Variants in SLC12A8 observed in about 807,000 individuals in gnomAD.
The protein encoded by SLC12A8 is solute carrier family 12 member 8.
Under a neutral mutation model 75.6 loss-of-function variants are expected in SLC12A8, and 69 were observed. The observed-to-expected ratio is 0.91, with a 90% CI of 0.75 to 1.11. The LOEUF is 1.11. SLC12A8 is among the 50% of genes most tolerant of loss of function. The pLI is 0.00. For missense variants in SLC12A8, 877 were observed against 896.7 expected, an observed-to-expected ratio of 0.98 and a Z score of 0.28; for synonymous variants, 365 against 372.8, an observed-to-expected ratio of 0.98 and a Z score of 0.24.
chr3:125,154,966 A>G (rs577645830), intron 5 of SLC12A8: 1 of 152,308 alleles, frequency 6.6e-6, no homozygotes, highest in African/African-American at 2.4e-5. Context: ...CCTGATAACC[A>G]AGCCAGGTAC....
intron 10 of SLC12A8, among the ~76,000 whole-genome samples, chr3:125,093,280 T>G (rs186791213): frequency 5.8e-4 from 89 of 152,336 alleles, no homozygotes; most frequent in Non-Finnish European, 1.2e-3. Context: ...CATAGTTTGT[T>G]GCTCAGGAAA....
At chr3:125,116,354 A>G (rs1429212755) in intron 8 of SLC12A8, among the ~76,000 whole-genome samples, 2 of 152,208 alleles carry the variant, frequency 1.3e-5, no homozygotes, top group Admixed American at 1.3e-4. Context: ...TCCGAAAACT[A>G]AATCTCCACA....
intron 2 of SLC12A8, among the ~76,000 whole-genome samples, chr3:125,192,283 G>A (rs969593101): frequency 2.6e-5 from 4 of 152,114 alleles, no homozygotes; most frequent in Non-Finnish European, 5.9e-5. Flanking sequence ...GCCCCACTGA[G>A]GGCTGAGGAG....
At chr3:125,187,109 C>T (rs1934802165) in intron 4 of SLC12A8, 128 bp downstream of exon 4, 10 of 888,566 alleles carry the variant, frequency 1.1e-5, no homozygotes, top group Non-Finnish European at 1.4e-5. Context: ...TTCAGAGCCC[C>T]AACCTGCTCG....
chr3:125,137,927 A>ACACGCT (rs916684195), intron 5 of SLC12A8, among the ~76,000 whole-genome samples: 4 of 151,724 alleles, frequency 2.6e-5, no homozygotes, highest in Non-Finnish European at 4.4e-5. Context: ...GCTCACGCTC[A>ACACGCT]CACGCTCACG....
chr3:125,185,433 A>G (rs1934757457), intron 4 of SLC12A8, among the ~76,000 whole-genome samples: 1 of 152,138 alleles, frequency 6.6e-6, no homozygotes, highest in African/African-American at 2.4e-5. Flanking sequence ...AGAAGTAGAA[A>G]ATCAGAATAT....
chr3:125,192,066 T>A (rs569448255), intron 2 of SLC12A8, among the ~76,000 whole-genome samples: 2 of 152,108 alleles, frequency 1.3e-5, no homozygotes, highest in Non-Finnish European at 2.9e-5. Context: ...CCCAGGATCC[T>A]CATCTCGAAA....
intron 2 of SLC12A8, among the ~76,000 whole-genome samples, chr3:125,198,965 A>G (rs1452106412): frequency 6.6e-6 from 1 of 151,924 alleles, no homozygotes; most frequent in Non-Finnish European, 1.5e-5. Context: ...TTTTTAGTAG[A>G]GATGGGGTTT....
rs550375229 is a variant in SLC12A8, at chr3:125,088,338, T to C, written c.1954A>G (p.Met652Val). The C allele has an allele frequency of 1.9e-6, 3 of 1,614,148 alleles. No homozygotes were observed. The South Asian group carries it at 3.3e-5, about 18-fold the overall frequency. The change falls in exon 13 of 14, where the codon ATG becomes GTG. Residue 652 changes from methionine (M) to valine (V), a missense_variant. Physicochemically the swap from Met to Val is conservative, Grantham distance 21. Transcript: ENST00000469902. ...CAGGAGGGGAGCAAGAGAGACCTCA[T>C]CCACCGGAAAAAGCTGAAGTTGGAG... ...SASNFSFFRW[M>V]RSLLLPSCRS...
At chr3:125,200,987 G>T (rs1190825235) in intron 2 of SLC12A8, among the ~76,000 whole-genome samples, 2 of 152,186 alleles carry the variant, frequency 1.3e-5, no homozygotes, top group Non-Finnish European at 2.9e-5. Flanking sequence ...CCGGATATCT[G>T]CAAACTGGGA....
intron 5 of SLC12A8, among the ~76,000 whole-genome samples, chr3:125,167,400 C>T (rs753769702): frequency 6.6e-6 from 1 of 152,188 alleles, no homozygotes; most frequent in East Asian, 1.9e-4. Context: ...CCCATTTCAG[C>T]CTCCCAAAGT....
intron 5 of SLC12A8, among the ~76,000 whole-genome samples, chr3:125,172,092 G>A (rs1317952233): frequency 6.6e-6 from 1 of 151,978 alleles, no homozygotes; most frequent in Non-Finnish European, 1.5e-5. Context: ...TGGCCAACAT[G>A]GTGATACCCT....
intron 5 of SLC12A8, among the ~76,000 whole-genome samples, chr3:125,158,328 C>A (rs760666621): frequency 3.9e-5 from 6 of 152,014 alleles, no homozygotes; most frequent in Non-Finnish European, 5.9e-5. Context: ...TCAAGCAATT[C>A]TCCTGCCTCA....
At chr3:125,202,568 AGT>A (rs1462615781) in intron 2 of SLC12A8, among the ~76,000 whole-genome samples, 1 of 152,122 alleles carries the variant, frequency 6.6e-6, no homozygotes, top group African/African-American at 2.4e-5. Context: ...ACCTTAAGGC[AGT>A]AAGAAGGTTT....
chr3:125,180,716 G>A (rs1934640392), intron 4 of SLC12A8, among the ~76,000 whole-genome samples: 1 of 152,232 alleles, frequency 6.6e-6, no homozygotes, highest in Non-Finnish European at 1.5e-5. Flanking sequence ...TTATGACTTT[G>A]TTATTATTCG....
chr3:125,128,264 T>C (rs1454216855), intron 6 of SLC12A8, among the ~76,000 whole-genome samples: 2 of 137,772 alleles, frequency 1.5e-5, no homozygotes, highest in African/African-American at 2.6e-5. Context: ...CACTGCAAGC[T>C]CCGCCTCCCG....
At chr3:125,093,928 C>A (rs1338559153) in intron 10 of SLC12A8, among the ~76,000 whole-genome samples, 1 of 152,204 alleles carries the variant, frequency 6.6e-6, no homozygotes, top group African/African-American at 2.4e-5. Flanking sequence ...AATATTTCAG[C>A]CCCTGGTTCA....
chr3:125,180,860 T>A (rs76281179), intron 4 of SLC12A8, among the ~76,000 whole-genome samples: 2,983 of 152,228 alleles, frequency 0.02, 93 homozygotes, highest in African/African-American at 0.067. Flanking sequence ...CCAAAGAGAC[T>A]TACTTTAAGG....
chr3:125,187,360 C>T lies in SLC12A8; in HGVS notation c.267G>A (p.Val89=), dbSNP rs762880681. 2 of 1,614,180 alleles carry T rather than the reference C, an allele frequency of 1.2e-6. No individual in the cohort carries two copies. The highest frequency in any genetic ancestry group is 4.5e-5 in the East Asian group (2 of 44,876). The change falls in exon 4 of 14, where the codon GTG becomes GTA. Residue 89 remains valine (V), a synonymous_variant. Coordinates refer to ENST00000469902, the MANE Select transcript of SLC12A8 (RefSeq NM_024628.6). The part of the protein sequence containing the change: ...SFVILVALVT[V]LSGIGVGERS... ...GCTCCCCGACGCCAATGCCAGACAG[C>T]ACCGTGACGAGGGCCACCAGGATGA...
Sources: allele counts gnomAD v4.1 joint callset (sites outside exome capture counted in the v4.1 genomes callset), GRCh38; gene constraint gnomAD v4.1.1; transcripts MANE v1.5; gene names NCBI Gene and HGNC (gene_info 2026-07-23, HGNC 2026-07-21).